The following LRRC36 variants were observed in gnomAD, a reference collection of about 807,000 sequenced individuals.
The protein encoded by LRRC36 is leucine-rich repeat-containing protein 36.
A neutral mutation model predicts 81.1 loss-of-function variants in LRRC36; 62 were observed. That is an observed-to-expected ratio of 0.76 (90% CI 0.62 to 0.94). LRRC36 has a LOEUF of 0.94. Ranked by LOEUF, LRRC36 falls within the 40% of genes least tolerant of loss-of-function variation. The pLI is 0.00. For synonymous variants in LRRC36, 334 were observed against 348.6 expected (o/e 0.96, Z 0.47); for missense variants, 761 against 881.7 (o/e 0.86, Z 1.73).
At chr16:67,376,622 T>C in intron 10 of LRRC36, 105 bp from the exon 11 acceptor site, 2 of 1,180,078 alleles carry the variant, frequency 1.7e-6, no homozygotes, top group Non-Finnish European at 2.4e-6. Flanking sequence ...AAAAAGGAGA[T>C]AATACATTAG....
At chr16:67,331,079 G>C (rs1004313428) in intron 1 of LRRC36, among the ~76,000 whole-genome samples, 1 of 135,996 alleles carries the variant, frequency 7.4e-6, no homozygotes, top group African/African-American at 2.7e-5. Context: ...AAGAGAGAGA[G>C]AGAGAGAGAG....
intron 5 of LRRC36, among the ~76,000 whole-genome samples, chr16:67,350,497 G>T: frequency 6.6e-6 from 1 of 152,136 alleles, no homozygotes. Context: ...GAAAGCACAA[G>T]CTGTACTTGG....
At chr16:67,350,344 G>T (rs542876348) in intron 5 of LRRC36, 54 bp downstream of exon 5, 12 of 1,386,142 alleles carry the variant, frequency 8.7e-6, no homozygotes, top group South Asian at 2.4e-5. Context: ...TATCTCAGCT[G>T]CCATAGCCAA....
intron 8 of LRRC36, among the ~76,000 whole-genome samples, chr16:67,368,294 C>G (rs1336682234): frequency 6.6e-6 from 1 of 152,100 alleles, no homozygotes. Flanking sequence ...TTTTAGCATG[C>G]AAATATATGT....
At chr16:67,333,762 T>C (rs2142574396) in intron 1 of LRRC36, among the ~76,000 whole-genome samples, 1 of 152,276 alleles carries the variant, frequency 6.6e-6, no homozygotes, top group East Asian at 1.9e-4. Context: ...ATAGACTTTA[T>C]TTTTTAGAGC....
rs141782022 is a variant in LRRC36 at position 67,329,518 on chromosome 16, C to T, written c.70+2586C>T. 6.4e-3 allele frequency among the ~76,000 whole-genome samples: 958 copies of T among 150,684 alleles called. 8 individuals are homozygous for T. Among genetic ancestry groups the T allele is most frequent in the African/African-American group, 0.022 (895 of 41,140 alleles). On this transcript the variant is annotated intron_variant, in intron 1 of 13. Transcript: ENST00000329956. Reference sequence around the variant, plus strand: ...ATGCTAGCCAGGCTAGTCTTGAACTCCTGACCTCAAGTGACTCAGCCTCCT... The same window carrying T: ...ATGCTAGCCAGGCTAGTCTTGAACTTCTGACCTCAAGTGACTCAGCCTCCT...
In LRRC36 at chr16:67,375,250, C is replaced by T; in HGVS notation, c.1498C>T (p.Leu500Phe). The change falls in exon 10 of 14, where the codon CTC becomes TTC. Residue 500 changes from leucine (L) to phenylalanine (F), a missense_variant. This residue lies in a region of LRRC36 where 359 missense variants were observed against 388.4 expected (regional missense o/e 0.92). Transcript: ENST00000329956. ...GFQDATGSEP[L>F]SSDLGSLHGL... is the part of the protein sequence containing the mutation. ...TTGCTTTTTTTTTTCTCTTGAGCCT[C>T]TCTCTAGTGACCTGGGTAGTTTGCA... 5.6e-6 allele frequency: 9 copies of T among 1,610,200 alleles called. No homozygotes were observed. The highest frequency in any genetic ancestry group is 7.6e-6 in the Non-Finnish European group (9 of 1,179,382).
chr16:67,345,738 A>G (rs1272545797), intron 2 of LRRC36, among the ~76,000 whole-genome samples: 1 of 151,886 alleles, frequency 6.6e-6, no homozygotes, highest in African/African-American at 2.4e-5. Flanking sequence ...AGGCACTGAG[A>G]TATGAGAACA....
At position 67,347,583 on chromosome 16, in the gene LRRC36, G is replaced by A. The variant is rs758613475; in HGVS notation, c.480G>A (p.Val160=). 3 of 1,609,078 alleles carry A rather than the reference G, an allele frequency of 1.9e-6. No homozygotes were observed. Among genetic ancestry groups the A allele is most frequent in the Admixed American group, 1.7e-5 (1 of 59,392 alleles). ...LGNSENFLLE[V]EKSSREKTMK... is the part of the protein sequence containing the mutation. The stretch of plus-strand genomic sequence containing the variant: ...ACAGTGAAAATTTTCTTTTAGAGGT[G>A]GAAAAAAGGTAAGAAGATTCTTTAC... The change falls in exon 4 of 14, where the codon GTG becomes GTA. Residue 160 remains valine (V), a synonymous_variant. Transcript: ENST00000329956.
At chr16:67,360,452 G>T (rs2039092049) in intron 5 of LRRC36, among the ~76,000 whole-genome samples, 1 of 152,152 alleles carries the variant, frequency 6.6e-6, no homozygotes, top group African/African-American at 2.4e-5. Flanking sequence ...TGTTCCACAG[G>T]ATAAGAGTAA....
At chr16:67,333,465 G>T (rs1284590581) in intron 1 of LRRC36, among the ~76,000 whole-genome samples, 1 of 152,092 alleles carries the variant, frequency 6.6e-6, no homozygotes, top group Admixed American at 6.6e-5. Context: ...GGGTCATTTT[G>T]TACATTTACA....
intron 5 of LRRC36, among the ~76,000 whole-genome samples, chr16:67,352,640 G>T (rs924999376): frequency 2.0e-5 from 3 of 148,706 alleles, no homozygotes; most frequent in Non-Finnish European, 3.0e-5. Flanking sequence ...ATAAATAAAT[G>T]TCTTATTTAT....
At chr16:67,358,397 C>T (rs557291873) in intron 5 of LRRC36, among the ~76,000 whole-genome samples, 2 of 152,020 alleles carry the variant, frequency 1.3e-5, no homozygotes, top group East Asian at 1.9e-4. Flanking sequence ...GGCTGCAGTA[C>T]AGTGGCACAG....
chr16:67,375,431 T>G lies in LRRC36; in HGVS notation c.1660+19T>G. 2 of 1,560,840 alleles carry G rather than the reference T, an allele frequency of 1.3e-6. No homozygotes were observed. ...TTTCTCGGTGAGTGAATGCATTCTC[T>G]GTCCTTGGACAGGAGTTGGACTTTT... On this transcript the variant is annotated intron_variant, in intron 10 of 13. Transcript: ENST00000329956.
At chr16:67,341,756 C>G (rs1260679571) in intron 1 of LRRC36, among the ~76,000 whole-genome samples, 1 of 152,052 alleles carries the variant, frequency 6.6e-6, no homozygotes, top group Non-Finnish European at 1.5e-5. Context: ...ATTAGAAAAA[C>G]TCAAGGGCTC....
At chr16:67,371,388 G>A (rs753629822) in intron 9 of LRRC36, 146 bp downstream of exon 9, 30 of 908,898 alleles carry the variant, frequency 3.3e-5, no homozygotes, top group Non-Finnish European at 4.9e-5. Context: ...ATACTGCCAA[G>A]CTAACACCTG....
chr16:67,355,478 CAT>C (rs1226278531), intron 5 of LRRC36, among the ~76,000 whole-genome samples: 1 of 147,682 alleles, frequency 6.8e-6, no homozygotes, highest in East Asian at 2.0e-4. Context: ...GGGTTCACGC[CAT>C]TCTCCTGCCT....
At chr16:67,345,907 A>G (rs1235533940) in intron 2 of LRRC36, among the ~76,000 whole-genome samples, 2 of 152,112 alleles carry the variant, frequency 1.3e-5, no homozygotes, top group African/African-American at 4.8e-5. Context: ...AGAGAATTCT[A>G]ATGTGGCTTG....
chr16:67,357,775 A>T (rs1396934324), intron 5 of LRRC36, among the ~76,000 whole-genome samples: 2 of 152,136 alleles, frequency 1.3e-5, no homozygotes, highest in Non-Finnish European at 2.9e-5. Context: ...ATCTGGCCAG[A>T]TCTCAGCCTC....
Sources: allele counts gnomAD v4.1 joint callset (sites outside exome capture counted in the v4.1 genomes callset), GRCh38; gene constraint gnomAD v4.1.1; regional missense constraint gnomAD v4.1.1; transcripts MANE v1.5; gene names NCBI Gene and HGNC (gene_info 2026-07-23, HGNC 2026-07-21).